Variants in DYNC1LI2 observed in about 807,000 individuals in gnomAD.
The protein encoded by DYNC1LI2 is dynein cytoplasmic 1 light intermediate chain 2.
A neutral mutation model predicts 57.8 loss-of-function variants in DYNC1LI2; 19 were observed. The observed-to-expected ratio is 0.33, with a 90% CI of 0.23 to 0.48. The LOEUF is 0.48. DYNC1LI2 is among the 20% of genes least tolerant of loss of function. The pLI is 0.99. For synonymous variants in DYNC1LI2, 256 were observed against 233.4 expected, an observed-to-expected ratio of 1.10 and a Z score of -0.88; for missense variants, 470 against 604.2, an observed-to-expected ratio of 0.78 and a Z score of 2.33.
chr16:66,741,919 A>AAAAAAAAAAC (rs2017845593), intron 4 of DYNC1LI2, among the ~76,000 whole-genome samples: 1 of 139,930 alleles, frequency 7.1e-6, no homozygotes, highest in African/African-American at 2.6e-5. Flanking sequence ...AAAAAAAAAA[A>AAAAAAAAAAC]AGACCCTCCT....
rs989328019 is a variant in DYNC1LI2, at chr16:66,722,182, C to T, written c.*1540G>A. 6.6e-6 allele frequency: 1 copy of T among 152,634 alleles called. No homozygotes were observed. Among genetic ancestry groups the T allele is most frequent in the Non-Finnish European group, 1.5e-5 (1 of 68,044 alleles). 9.5% of individuals were successfully genotyped at this position (152,634 alleles called of 1,614,324 possible). On this transcript the variant is annotated 3_prime_UTR_variant, in exon 13 of 13. Coordinates refer to ENST00000258198, the MANE Select transcript of DYNC1LI2 (RefSeq NM_006141.3). ...CAAGAAAGTCTTCAAAGAGTCTTGA[C>T]ACAACATAGGATATTAAGTTATCCC...
Position 66,727,785 on chromosome 16 carries a change from G to A in DYNC1LI2, c.1164C>T (p.Pro388=). 1.9e-6 allele frequency: 3 copies of A among 1,613,330 alleles called. No individual in the cohort carries two copies. Among genetic ancestry groups the A allele is most frequent in the Non-Finnish European group, 2.5e-6 (3 of 1,179,686 alleles). ...TRASESPARG[P]SGSPRTQGRG... ...GACCCTGGGTCCTTGGAGAGCCAGAGGGTCCTCTTGCAGGAGATTCCTAAG... is the reference window on the plus strand; with the variant it reads ...GACCCTGGGTCCTTGGAGAGCCAGAAGGTCCTCTTGCAGGAGATTCCTAAG... The change falls in exon 11 of 13, where the codon CCC becomes CCT. Residue 388 remains proline (P), a synonymous_variant. Transcript: ENST00000258198.
Position 66,742,548 on chromosome 16 carries a change from G to C in DYNC1LI2, c.419C>G (p.Ser140Cys). ...ETLVIFVADM[S>C]RPWTVMESLQ... The stretch of plus-strand genomic sequence containing the variant: ...AGATTCCATCACAGTCCAAGGTCTA[G>C]ACATGTCTGCAACAAAAATGACGAG... Residue 140 changes from serine (S) to cysteine (C), a missense_variant, in exon 4 of 13, where the codon TCT becomes TGT. Ser to Cys is a moderately radical substitution (Grantham distance 112). Transcript: ENST00000258198. The C allele has an allele frequency of 6.2e-7, 1 of 1,614,198 alleles. No homozygotes were observed. The highest frequency in any genetic ancestry group is 8.5e-7 in the Non-Finnish European group (1 of 1,180,052).
intron 9 of DYNC1LI2, among the ~76,000 whole-genome samples, chr16:66,728,823 T>C (rs546266530): frequency 1.3e-5 from 2 of 152,350 alleles, no homozygotes; most frequent in Admixed American, 1.3e-4. Context: ...ACTATTCCTG[T>C]AGGAGAGTCT....
chr16:66,744,780 G>C (rs1192477700), intron 3 of DYNC1LI2, among the ~76,000 whole-genome samples: 1 of 151,940 alleles, frequency 6.6e-6, no homozygotes, highest in Non-Finnish European at 1.5e-5. Flanking sequence ...GGCTGGTCTC[G>C]AACTCCTGAC....
intron 4 of DYNC1LI2, among the ~76,000 whole-genome samples, chr16:66,739,773 A>G (rs1270988051): frequency 6.6e-6 from 1 of 152,218 alleles, no homozygotes; most frequent in Admixed American, 6.5e-5. Context: ...GCAAATATAC[A>G]TAACATGAGT....
chr16:66,744,202 C>A (rs1198069254), intron 3 of DYNC1LI2, among the ~76,000 whole-genome samples: 3 of 152,090 alleles, frequency 2.0e-5, no homozygotes, highest in Non-Finnish European at 4.4e-5. Context: ...CAGGCACAAG[C>A]CACCATGCCC....
rs1022262529 is a variant in DYNC1LI2, at chr16:66,722,189, T to C, written c.*1533A>G. The C allele has an allele frequency of 1.3e-5, 2 of 152,644 alleles. No homozygotes were observed. Among genetic ancestry groups the C allele is most frequent in the African/African-American group, 4.8e-5 (2 of 41,456 alleles). The allele number at this position is 152,644 out of a possible 1,614,324, so 9.5% of individuals were successfully genotyped here. Reference sequence around the variant, plus strand: ...GTCTTCAAAGAGTCTTGACACAACATAGGATATTAAGTTATCCCCAGTACT... The same window carrying C: ...GTCTTCAAAGAGTCTTGACACAACACAGGATATTAAGTTATCCCCAGTACT... On this transcript the variant is annotated 3_prime_UTR_variant, in exon 13 of 13. Transcript: ENST00000258198.
chr16:66,725,847 C>A lies in DYNC1LI2; in HGVS notation c.1359G>T (p.Gln453His). The change falls in exon 12 of 13, where the codon CAG becomes CAT. Residue 453 changes from glutamine (Q) to histidine (H), a missense_variant. By Grantham distance (24) the Gln-to-His change is conservative. Coordinates refer to ENST00000258198, the MANE Select transcript of DYNC1LI2 (RefSeq NM_006141.3). The stretch of plus-strand genomic sequence containing the variant: ...CTGTACCTGACTTCTTGGCTGTGCT[C>A]TGCACCCCACCAGCACCAGGACTTC... ...SPGSPGAGGV[Q>H]STAKKSGQKT... is the part of the protein sequence containing the mutation. 1.2e-6 allele frequency: 2 copies of A among 1,614,084 alleles called. No homozygotes were observed. The highest frequency in any genetic ancestry group is 2.2e-5 in the South Asian group (2 of 91,066).
intron 8 of DYNC1LI2, among the ~76,000 whole-genome samples, chr16:66,729,627 A>G (rs1457437414): frequency 7.9e-6 from 1 of 126,820 alleles, no homozygotes; most frequent in Admixed American, 1.0e-4. Flanking sequence ...CCCAGGCTGG[A>G]GTACAGTGGC....
At chr16:66,726,550 T>G (rs917354272) in intron 11 of DYNC1LI2, among the ~76,000 whole-genome samples, 6 of 152,334 alleles carry the variant, frequency 3.9e-5, no homozygotes, top group African/African-American at 1.4e-4. Flanking sequence ...TCCCATCACT[T>G]GGGGAGACCA....
At chr16:66,741,897 C>CAAAAAAAA (rs66527903) in intron 4 of DYNC1LI2, among the ~76,000 whole-genome samples, 9 of 106,846 alleles carry the variant, frequency 8.4e-5, no homozygotes, top group African/African-American at 2.9e-4. Context: ...ATGTTAATTA[C>CAAAAAAAA]AAAAAAAAAA....
intron 10 of DYNC1LI2, 24 bp downstream of exon 10, chr16:66,728,177 C>G (rs1197591147): frequency 3.1e-6 from 5 of 1,613,900 alleles, no homozygotes; most frequent in Non-Finnish European, 4.2e-6. Context: ...GGCCTTGACC[C>G]TCTGTTTAGT....
At chr16:66,747,831 A>C (rs1396651836) in intron 3 of DYNC1LI2, among the ~76,000 whole-genome samples, 1 of 152,022 alleles carries the variant, frequency 6.6e-6, no homozygotes, top group Non-Finnish European at 1.5e-5. Context: ...TCAGCCACCC[A>C]AAGTGCTAGA....
chr16:66,734,560 A>C (rs1353738778), intron 5 of DYNC1LI2, among the ~76,000 whole-genome samples: 1 of 152,024 alleles, frequency 6.6e-6, no homozygotes, highest in Non-Finnish European at 1.5e-5. Context: ...TCTAAACATC[A>C]AACAAGCTCC....
intron 12 of DYNC1LI2, among the ~76,000 whole-genome samples, chr16:66,725,249 T>G (rs1217214925): frequency 1.3e-5 from 2 of 149,196 alleles, no homozygotes; most frequent in Non-Finnish European, 3.0e-5. Flanking sequence ...GAGGCCAAGA[T>G]GGAGGGATCA....
intron 4 of DYNC1LI2, chr16:66,739,300 CTT>C (rs1411767553): frequency 6.6e-6 from 1 of 152,154 alleles, no homozygotes; most frequent in Non-Finnish European, 1.5e-5. Context: ...GCACTGTAAA[CTT>C]TTCTGCTGTT....
chr16:66,746,861 G>C (rs1038772725), intron 3 of DYNC1LI2, among the ~76,000 whole-genome samples: 2 of 152,182 alleles, frequency 1.3e-5, no homozygotes, highest in African/African-American at 4.8e-5. Flanking sequence ...CACAACTACT[G>C]ACTACAGGCA....
chr16:66,726,517 G>C (rs938635012), intron 11 of DYNC1LI2, among the ~76,000 whole-genome samples: 20 of 152,254 alleles, frequency 1.3e-4, no homozygotes, highest in African/African-American at 4.6e-4. Context: ...CCCTCAGCCA[G>C]GGGTGGTGGC....
Sources: allele counts gnomAD v4.1 joint callset (sites outside exome capture counted in the v4.1 genomes callset), GRCh38; gene constraint gnomAD v4.1.1; transcripts MANE v1.5; gene names NCBI Gene and HGNC (gene_info 2026-07-23, HGNC 2026-07-21).